Variants in CFAP299 observed in about 807,000 individuals in gnomAD.
CFAP299 encodes cilia and flagella associated protein 299, also known as cilia- and flagella-associated protein 299.
In CFAP299, 21 loss-of-function variants were observed where a neutral mutation model predicts 27.0. The observed-to-expected ratio is 0.78, with a 90% confidence interval of 0.55 to 1.12. The LOEUF is 1.12. Ranked by LOEUF, CFAP299 falls within the 50% of genes most tolerant of loss-of-function variation. The probability of loss-of-function intolerance (pLI) is 0.00; values close to 1 mark genes in which losing one functional copy is unlikely to be tolerated. For synonymous variants in CFAP299, 104 were observed against 98.1 expected (o/e 1.06, Z -0.36); for missense variants, 310 against 276.6 (o/e 1.12, Z -0.86).
chr4:80,864,766 A>T (rs1208327894), intron 3 of CFAP299, among the ~76,000 whole-genome samples: 1 of 152,022 alleles, frequency 6.6e-6, no homozygotes, highest in Non-Finnish European at 1.5e-5. Flanking sequence ...ATACAATAGC[A>T]ACATTAATGA....
chr4:80,799,602 A>T (rs1372539819), intron 3 of CFAP299, among the ~76,000 whole-genome samples: 1 of 53,094 alleles, frequency 1.9e-5, no homozygotes, highest in Non-Finnish European at 3.0e-5. Flanking sequence ...TAAAATATAT[A>T]TTTTATATAT....
At chr4:80,386,190 C>T in intron 2 of CFAP299, 2 of 808,604 alleles carry the variant, frequency 2.5e-6, no homozygotes, top group South Asian at 3.9e-5. Context: ...ACTCTGAGGC[C>T]TCGATGTAGA....
At chr4:80,934,674 G>A (rs1022016093) in intron 4 of CFAP299, among the ~76,000 whole-genome samples, 1 of 151,736 alleles carries the variant, frequency 6.6e-6, no homozygotes, top group Non-Finnish European at 1.5e-5. Context: ...TATCCAATTT[G>A]TTGGTAAGTG....
At chr4:80,628,208 C>T (rs1045490435) in intron 3 of CFAP299, among the ~76,000 whole-genome samples, 7 of 151,866 alleles carry the variant, frequency 4.6e-5, no homozygotes, top group East Asian at 1.9e-4. Context: ...TTTTTGACAG[C>T]GGTGTCAAGA....
intron 1 of CFAP299, among the ~76,000 whole-genome samples, chr4:80,346,981 T>G (rs1722764134): frequency 6.6e-6 from 1 of 152,196 alleles, no homozygotes; most frequent in African/African-American, 2.4e-5. Flanking sequence ...CTTGAAGAGA[T>G]CCTTCACATC....
chr4:80,867,893 T>A (rs1732839558), intron 3 of CFAP299, among the ~76,000 whole-genome samples: 1 of 152,236 alleles, frequency 6.6e-6, no homozygotes, highest in East Asian at 1.9e-4. Flanking sequence ...TTATTTTTCC[T>A]AACTCTTCTA....
intron 2 of CFAP299, among the ~76,000 whole-genome samples, chr4:80,578,931 C>T (rs17004949): frequency 0.046 from 6,937 of 152,160 alleles, 553 homozygotes; most frequent in African/African-American, 0.16. Context: ...AGGTTAAATT[C>T]CAATTTGATC....
intron 2 of CFAP299, among the ~76,000 whole-genome samples, chr4:80,425,655 A>G (rs1267269706): frequency 6.6e-6 from 1 of 152,236 alleles, no homozygotes; most frequent in African/African-American, 2.4e-5. Flanking sequence ...GCCTTTAGCA[A>G]GCCTCCGAAC....
chr4:80,333,055 G>A (rs1305861056), upstream of CFAP299, among the ~76,000 whole-genome samples: 1 of 152,026 alleles, frequency 6.6e-6, no homozygotes, highest in Non-Finnish European at 1.5e-5. Flanking sequence ...CCCAGTCCTG[G>A]GAGGAATTCC....
chr4:80,679,630 A>G (rs56015804), intron 3 of CFAP299, among the ~76,000 whole-genome samples: 6,919 of 151,856 alleles, frequency 0.046, 548 homozygotes, highest in African/African-American at 0.16. Context: ...GTGTATAGTG[A>G]TATCTTAAGG....
intron 2 of CFAP299, among the ~76,000 whole-genome samples, chr4:80,498,029 C>A: frequency 6.6e-6 from 1 of 151,830 alleles, no homozygotes; most frequent in East Asian, 1.9e-4. Context: ...ATTCAGTAAA[C>A]GGTGCTAGCT....
intron 3 of CFAP299, among the ~76,000 whole-genome samples, chr4:80,647,072 A>T (rs1382954391): frequency 6.6e-6 from 1 of 152,056 alleles, no homozygotes; most frequent in African/African-American, 2.4e-5. Flanking sequence ...ATAGATACAG[A>T]TAAGATTTAG....
chr4:80,760,306 G>T (rs900672667), intron 3 of CFAP299, among the ~76,000 whole-genome samples: 1 of 152,158 alleles, frequency 6.6e-6, no homozygotes, highest in African/African-American at 2.4e-5. Context: ...ATTCATTATA[G>T]GAATTAGACA....
intron 3 of CFAP299, among the ~76,000 whole-genome samples, chr4:80,826,395 T>C (rs192859541): frequency 5.9e-4 from 90 of 151,540 alleles, no homozygotes; most frequent in African/African-American, 2.0e-3. Context: ...GTAAATAGAC[T>C]AAACATTCCA....
At chr4:80,344,198 C>A (rs985106223) in intron 1 of CFAP299, among the ~76,000 whole-genome samples, 1 of 151,546 alleles carries the variant, frequency 6.6e-6, no homozygotes, top group East Asian at 1.9e-4. Context: ...AAAAAATCAA[C>A]AAATCCAGGA....
intron 3 of CFAP299, among the ~76,000 whole-genome samples, chr4:80,848,124 T>C (rs1247794302): frequency 6.6e-6 from 1 of 151,772 alleles, no homozygotes; most frequent in East Asian, 1.9e-4. Flanking sequence ...GGTAGAAGAA[T>C]GGCTTGCACC....
chr4:80,623,908 T>G (rs566367331), intron 3 of CFAP299, among the ~76,000 whole-genome samples: 4 of 152,270 alleles, frequency 2.6e-5, no homozygotes, highest in East Asian at 1.9e-4. Flanking sequence ...ACATCCCTTG[T>G]GGCAGGCAGT....
intron 3 of CFAP299, among the ~76,000 whole-genome samples, chr4:80,653,219 T>C (rs1740396818): frequency 6.6e-6 from 1 of 152,148 alleles, no homozygotes; most frequent in Admixed American, 6.6e-5. Context: ...TCCCACATTT[T>C]GACAAACGGC....
chr4:80,475,721 T>A (rs1730241616), intron 2 of CFAP299, among the ~76,000 whole-genome samples: 1 of 152,224 alleles, frequency 6.6e-6, no homozygotes, highest in Admixed American at 6.5e-5. Flanking sequence ...GGGTTAGAGT[T>A]GTACGTTCAG....
Sources: gnomAD v4.1 joint callset for allele counts (sites outside exome capture counted in the v4.1 genomes callset) on GRCh38, gnomAD v4.1.1 for gene constraint, MANE v1.5 for transcripts, NCBI Gene and HGNC (gene_info 2026-07-23, HGNC 2026-07-21) for gene names.